Variants in HDAC9 observed in about 807,000 individuals in gnomAD.
HDAC9 encodes the protein MEF-2 interacting transcription repressor (MITR) protein.
A neutral mutation model predicts 139.4 loss-of-function variants in HDAC9; 41 were observed. The observed-to-expected ratio is 0.29, with a 90% CI of 0.23 to 0.38. HDAC9 has a LOEUF of 0.38. Ranked by LOEUF, HDAC9 falls within the 10% of genes least tolerant of loss-of-function variation. The pLI, the probability that HDAC9 is intolerant of heterozygous loss-of-function variation, is 1.00. For synonymous variants in HDAC9, 517 were observed against 476.2 expected, an observed-to-expected ratio of 1.09 and a Z score of -1.12; for missense variants, 1,147 against 1,297.0, an observed-to-expected ratio of 0.88 and a Z score of 1.78.
chr7:18,438,234 T>A (rs907685577), intron 1 of HDAC9, among the ~76,000 whole-genome samples: 2 of 152,032 alleles, frequency 1.3e-5, no homozygotes, highest in South Asian at 4.1e-4. Context: ...ATATGACATA[T>A]GCTTAAGTTA....
intron 2 of HDAC9, among the ~76,000 whole-genome samples, chr7:18,526,486 T>C (rs1052594149): frequency 1.1e-4 from 17 of 152,220 alleles, no homozygotes; most frequent in Admixed American, 9.8e-4. Context: ...ATCCAGACTC[T>C]AGTAGTTGTA....
intron 2 of HDAC9, among the ~76,000 whole-genome samples, chr7:18,555,914 G>A (rs1000361676): frequency 6.6e-6 from 1 of 151,994 alleles, no homozygotes; most frequent in Non-Finnish European, 1.5e-5. Flanking sequence ...AAAAGAGCAA[G>A]ATGAAAACCT....
chr7:18,655,193 G>C lies in HDAC9; in HGVS notation c.1467+6510G>C, dbSNP rs750528173. ...CTTTCATTTAGGAAAGTAGGCATTAGTGTTGTCAGGTTTAATTTCTCTCCA... is the reference window on the plus strand; with the variant it reads ...CTTTCATTTAGGAAAGTAGGCATTACTGTTGTCAGGTTTAATTTCTCTCCA... On this transcript the variant is annotated intron_variant, in intron 11 of 25. Coordinates refer to ENST00000686413, the MANE Select transcript of HDAC9 (RefSeq NM_178425.4). Among the ~76,000 whole-genome samples, 11 of 152,276 alleles carry C rather than the reference G, an allele frequency of 7.2e-5. No homozygotes were observed. In the East Asian group the frequency reaches 2.1e-3, roughly 29 times the overall value.
intron 11 of HDAC9, among the ~76,000 whole-genome samples, chr7:18,655,199 T>G (rs1790712662): frequency 1.3e-5 from 2 of 152,198 alleles, no homozygotes; most frequent in Non-Finnish European, 2.9e-5. Flanking sequence ...ATTAGTGTTG[T>G]CAGGTTTAAT....
chr7:18,778,064 A>G (rs1446943907), intron 16 of HDAC9, among the ~76,000 whole-genome samples: 1 of 151,964 alleles, frequency 6.6e-6, no homozygotes, highest in Non-Finnish European at 1.5e-5. Context: ...TTAGTAGGCC[A>G]TGGAGCAGAG....
At chr7:18,138,177 C>G (rs908115524) in intron 1 of HDAC9, among the ~76,000 whole-genome samples, 2 of 152,072 alleles carry the variant, frequency 1.3e-5, no homozygotes, top group African/African-American at 4.8e-5. Flanking sequence ...TTTATTGCAT[C>G]TATTTGATTC....
At chr7:18,283,438 A>G (rs145264906) in intron 2 of HDAC9, among the ~76,000 whole-genome samples, 20 of 152,340 alleles carry the variant, frequency 1.3e-4, no homozygotes, top group Middle Eastern at 3.4e-3. Flanking sequence ...GCCAAACCAT[A>G]TCAAAGAGAC....
At position 18,408,338 on chromosome 7, in the gene HDAC9, A is replaced by T. The variant is rs181424400; in HGVS notation, c.-41-87924A>T. ...AATGAAGGAAGAGAATGAATGAATG[A>T]ATGAACAAATTCCTAACTTGTGTCT... On this transcript the variant is annotated intron_variant, in intron 1 of 3. Transcript: ENST00000413509. 5.3e-5 allele frequency among the ~76,000 whole-genome samples: 8 copies of T among 152,320 alleles called. No individual in the cohort carries two copies. The East Asian group carries it at 1.3e-3, about 26-fold the overall frequency.
chr7:18,991,256 A>C (rs1336663424), intron 25 of HDAC9, among the ~76,000 whole-genome samples: 1 of 152,238 alleles, frequency 6.6e-6, no homozygotes, highest in East Asian at 1.9e-4. Context: ...ATGAATGAGG[A>C]AATGAAAGAA....
intron 12 of HDAC9, chr7:18,666,705 A>T (rs1288289204): frequency 1.5e-6 from 2 of 1,307,328 alleles, no homozygotes; most frequent in South Asian, 2.3e-5. Context: ...TTGAAAATCC[A>T]CTGGTAAGGA....
chr7:18,553,042 C>A (rs542140775), intron 2 of HDAC9, among the ~76,000 whole-genome samples: 1 of 152,102 alleles, frequency 6.6e-6, no homozygotes, highest in Non-Finnish European at 1.5e-5. Flanking sequence ...TGAACTAGGT[C>A]TTTTGAAAGA....
intron 2 of HDAC9, among the ~76,000 whole-genome samples, chr7:18,558,731 C>A (rs1444742008): frequency 6.6e-6 from 1 of 152,224 alleles, no homozygotes; most frequent in African/African-American, 2.4e-5. Context: ...TGGCAACATT[C>A]AGATAATTAA....
At chr7:18,102,997 G>C (rs1782947919) in intron 1 of HDAC9, among the ~76,000 whole-genome samples, 1 of 152,182 alleles carries the variant, frequency 6.6e-6, no homozygotes, top group Admixed American at 6.5e-5. Flanking sequence ...ACATACCCGA[G>C]ACTGGGTAAT....
intron 2 of HDAC9, among the ~76,000 whole-genome samples, chr7:18,551,826 G>A (rs902559275): frequency 3.9e-5 from 6 of 152,172 alleles, no homozygotes; most frequent in Non-Finnish European, 8.8e-5. Flanking sequence ...TTTCTGTGGT[G>A]AGTCTGAATT....
intron 2 of HDAC9, among the ~76,000 whole-genome samples, chr7:18,195,383 T>G (rs890422409): frequency 6.6e-6 from 1 of 152,206 alleles, no homozygotes; most frequent in Non-Finnish European, 1.5e-5. Context: ...TCTGGGATGG[T>G]TCCCTATAAT....
intron 12 of HDAC9, among the ~76,000 whole-genome samples, chr7:18,696,764 A>G (rs1783082887): frequency 1.3e-5 from 2 of 152,122 alleles, no homozygotes; most frequent in Non-Finnish European, 2.9e-5. Context: ...CACCGTGCCC[A>G]GCCAGTTGTT....
chr7:18,247,693 C>T (rs1208423453), intron 2 of HDAC9, among the ~76,000 whole-genome samples: 2 of 152,136 alleles, frequency 1.3e-5, no homozygotes, highest in Non-Finnish European at 2.9e-5. Context: ...ATAGTTAATT[C>T]TGGTGAGTGA....
At chr7:18,703,441 G>A (rs1259707442) in intron 12 of HDAC9, among the ~76,000 whole-genome samples, 4 of 152,090 alleles carry the variant, frequency 2.6e-5, no homozygotes, top group African/African-American at 4.8e-5. Flanking sequence ...TCTCATTGGT[G>A]AATTTCTGAT....
intron 21 of HDAC9, among the ~76,000 whole-genome samples, chr7:18,854,832 G>T (rs1444582919): frequency 6.6e-6 from 1 of 152,014 alleles, no homozygotes; most frequent in Non-Finnish European, 1.5e-5. Flanking sequence ...TATGAAAATG[G>T]GATTTTATCA....
Sources: allele counts gnomAD v4.1 joint callset (sites outside exome capture counted in the v4.1 genomes callset), GRCh38; gene constraint gnomAD v4.1.1; transcripts MANE v1.5; gene names NCBI Gene and HGNC (gene_info 2026-07-23, HGNC 2026-07-21).